UGT1A7: variants seen among roughly 807,000 people sequenced by gnomAD.
UGT1A7 encodes the protein UDP glucuronosyltransferase family 1 member A7.
A neutral mutation model predicts 45.6 loss-of-function variants in UGT1A7; 33 were observed. The observed-to-expected ratio is 0.72, with a 90% CI of 0.55 to 0.97. UGT1A7 has a LOEUF of 0.97. Among genes scored for constraint, UGT1A7 ranks in the 50% least tolerant of loss-of-function variants. The probability of loss-of-function intolerance (pLI) is 0.00; values close to 1 mark genes in which losing one functional copy is unlikely to be tolerated. For synonymous variants in UGT1A7, 274 were observed against 250.6 expected, an observed-to-expected ratio of 1.09 and a Z score of -0.88; for missense variants, 684 against 666.2, an observed-to-expected ratio of 1.03 and a Z score of -0.29.
At chr2:233,689,968 A>G (rs2074968458) in intron 1 of UGT1A7, 2 of 456,038 alleles carry the variant, frequency 4.4e-6, no homozygotes, top group South Asian at 1.6e-5. Context: ...GCTTGGAGGA[A>G]CCCACAGGCC....
rs1333399571 is a variant in UGT1A7 at position 233,769,871 on chromosome 2, A to AT, written c.1295+1432_1295+1433insT. 8.6e-6 allele frequency: 4 copies of AT among 463,518 alleles called. No individual in the cohort carries two copies. Among genetic ancestry groups the AT allele is most frequent in the Non-Finnish European group, 1.5e-5 (4 of 275,572 alleles). The allele number at this position is 463,518 out of a possible 1,614,324, so 28.7% of individuals were successfully genotyped here. A position where few individuals can be genotyped will look rare whatever the true frequency, so the allele number is the denominator to read the frequency against. Reference sequence around the variant, plus strand: ...AGACCCTGTCTCAAAAAAAAAAAAAAAAATGAAAAGTCCACATAACCTGAG... The same window carrying AT: ...AGACCCTGTCTCAAAAAAAAAAAAAATAAATGAAAAGTCCACATAACCTGAG... On this transcript the variant is annotated intron_variant, in intron 4 of 4. Transcript: ENST00000373426. The surrounding 1 kb of genome is among the most constrained non-coding windows in gnomAD (Gnocchi z 4.4).
intron 1 of UGT1A7, among the ~76,000 whole-genome samples, chr2:233,703,526 A>G (rs1380988248): frequency 1.3e-5 from 2 of 151,996 alleles, no homozygotes; most frequent in Non-Finnish European, 2.9e-5. Context: ...GACACTTATC[A>G]TTACACAATT....
In UGT1A7 at chr2:233,747,740, TC is replaced by T. The variant is rs1007845310; in HGVS notation, c.856-19292del. On this transcript the variant is annotated intron_variant, in intron 1 of 4. Coordinates refer to ENST00000373426, the MANE Select transcript of UGT1A7 (RefSeq NM_019077.3). The stretch of plus-strand genomic sequence containing the variant: ...CTGCTGTGTTTTTTTTGAGGAACAT[TC>T]CATGTGATTTAGACTTTAAGGGCAC... 68 of 1,613,430 alleles carry T rather than the reference TC, an allele frequency of 4.2e-5. No individual in the cohort carries two copies. In the Admixed American group the frequency reaches 1.1e-3, roughly 27 times the overall value.
intron 1 of UGT1A7, among the ~76,000 whole-genome samples, chr2:233,763,416 A>T (rs1484402572): frequency 6.6e-6 from 1 of 152,224 alleles, no homozygotes; most frequent in Non-Finnish European, 1.5e-5. Flanking sequence ...TTTTTAATCC[A>T]GTCAGGCAGT....
At chr2:233,725,206 A>AGGC (rs1165948613) in intron 1 of UGT1A7, among the ~76,000 whole-genome samples, 4 of 91,688 alleles carry the variant, frequency 4.4e-5, no homozygotes, top group Admixed American at 9.5e-5. Context: ...GCAGAGGCAG[A>AGGC]GGCAGAGGCA....
rs1191873899 is a variant in UGT1A7 at position 233,760,673 on chromosome 2, A to G, written c.856-6361A>G. The G allele has an allele frequency of 2.5e-6, 4 of 1,614,214 alleles. No homozygotes were observed. Among genetic ancestry groups the G allele is most frequent in the Non-Finnish European group, 3.4e-6 (4 of 1,180,038 alleles). Reference sequence around the variant, plus strand: ...GCTATGCTTTTGTCTGGCTGTTCCCACTTACTGCACAACAAGGAGCTCATG... The same window carrying G: ...GCTATGCTTTTGTCTGGCTGTTCCCGCTTACTGCACAACAAGGAGCTCATG... On this transcript the variant is annotated intron_variant, in intron 1 of 4. Coordinates refer to ENST00000373426, the MANE Select transcript of UGT1A7 (RefSeq NM_019077.3).
At chr2:233,734,118 T>A (rs2078484158) in intron 1 of UGT1A7, among the ~76,000 whole-genome samples, 1 of 152,034 alleles carries the variant, frequency 6.6e-6, no homozygotes, top group Non-Finnish European at 1.5e-5. Context: ...ATAATAATAA[T>A]AATAAAAAGA....
chr2:233,716,153 A>G (rs2076488369), intron 1 of UGT1A7, among the ~76,000 whole-genome samples: 1 of 152,066 alleles, frequency 6.6e-6, no homozygotes. Flanking sequence ...TTCCATTTCC[A>G]TGGAGATGCA....
At chr2:233,759,612 A>G (rs992811783) in intron 1 of UGT1A7, among the ~76,000 whole-genome samples, 1 of 32,716 alleles carries the variant, frequency 3.1e-5, no homozygotes, top group African/African-American at 8.8e-5. Flanking sequence ...CGCCCCACCC[A>G]CCCACCTGTT....
chr2:233,682,031 C>A lies in UGT1A7; in HGVS notation c.94C>A (p.Pro32Thr), dbSNP rs145424374. The A allele has an allele frequency of 6.2e-6, 10 of 1,613,956 alleles. No homozygotes were observed. The highest frequency in any genetic ancestry group is 2.7e-5 in the African/African-American group (2 of 74,898). The change falls in exon 1 of 5, where the codon CCC becomes ACC. Residue 32 changes from proline (P) to threonine (T), a missense_variant. Physicochemically the swap from Pro to Thr is conservative, Grantham distance 38 (BLOSUM62 -1). Transcript: ENST00000373426. ...FAKAGKLLVV[P>T]MDGSHWFTMQ... is the part of the protein sequence containing the mutation. Reference sequence around the variant, plus strand: ...CAAGGCAGGGAAGCTGCTGGTAGTGCCCATGGATGGGAGCCACTGGTTCAC... The same window carrying A: ...CAAGGCAGGGAAGCTGCTGGTAGTGACCATGGATGGGAGCCACTGGTTCAC...
rs2074588513 is a variant in UGT1A7, at chr2:233,682,647, C to A, written c.710C>A (p.Thr237Asn). ...VLEIASEILQ[T>N]PVTAYDLYSH... ...GAAATAGCCTCTGAAATTCTCCAAA[C>A]CCCTGTCACGGCATATGATCTCTAC... Residue 237 changes from threonine to asparagine, a missense_variant, in exon 1 of 5, where the codon ACC becomes AAC. Physicochemically the swap from Thr to Asn is moderately conservative, Grantham distance 65 (BLOSUM62 0). Coordinates refer to ENST00000373426, the MANE Select transcript of UGT1A7 (RefSeq NM_019077.3). 6.2e-7 allele frequency: 1 copy of A among 1,613,922 alleles called. No individual in the cohort carries two copies. The highest frequency in any genetic ancestry group is 1.1e-5 in the South Asian group (1 of 91,068).
chr2:233,747,841 G>C (rs1575686388), intron 1 of UGT1A7: 1 of 1,613,504 alleles, frequency 6.2e-7, no homozygotes, highest in East Asian at 2.2e-5. Flanking sequence ...TTCCTGCAAA[G>C]GGTCAAGAAC....
chr2:233,713,360 C>A lies in UGT1A7; in HGVS notation c.855+30568C>A, dbSNP rs377457908. The stretch of plus-strand genomic sequence containing the variant: ...CAATTATGAACAATATGTCTTTGAT[C>A]ATACATAGGTCTTGTGTGGAGCTAC... On this transcript the variant is annotated intron_variant, in intron 1 of 4. Coordinates refer to ENST00000373426, the MANE Select transcript of UGT1A7 (RefSeq NM_019077.3). 1.3e-5 allele frequency: 21 copies of A among 1,614,044 alleles called. No homozygotes were observed. The African/African-American group carries it at 2.1e-4, about 16-fold the overall frequency.
intron 1 of UGT1A7, chr2:233,713,817 A>G (rs776318563): frequency 1.2e-6 from 2 of 1,614,092 alleles, no homozygotes; most frequent in South Asian, 1.1e-5. Flanking sequence ...CATGGTCTTC[A>G]TTGGGGGCAT....
rs1450020479 is a variant in UGT1A7, at chr2:233,719,077, A to G, written c.855+36285A>G. ...ACAGCCTATGCTGTTCCATGGACCC[A>G]GAAGGAATTTGATCGCGTTACGCTG... On this transcript the variant is annotated intron_variant, in intron 1 of 4. Transcript: ENST00000373426. The G allele has an allele frequency of 3.3e-5, 54 of 1,614,166 alleles. No individual in the cohort carries two copies. The highest frequency in any genetic ancestry group is 4.4e-5 in the Non-Finnish European group (52 of 1,180,062).
chr2:233,722,763 C>A (rs370007116), intron 1 of UGT1A7, among the ~76,000 whole-genome samples: 2 of 151,548 alleles, frequency 1.3e-5, no homozygotes, highest in African/African-American at 4.9e-5. Context: ...AAGGCTGTTA[C>A]CTAATTCTGA....
chr2:233,693,783 T>C (rs1575450823), intron 1 of UGT1A7: 1 of 1,614,230 alleles, frequency 6.2e-7, no homozygotes, highest in Admixed American at 1.7e-5. Context: ...TATGACTTTG[T>C]GCTTGAATAT....
At chr2:233,695,130 C>CTTTCTCTTT (rs1364557158) in intron 1 of UGT1A7, among the ~76,000 whole-genome samples, 2 of 138,840 alleles carry the variant, frequency 1.4e-5, no homozygotes, top group African/African-American at 5.4e-5. Context: ...CTTTTCTTTT[C>CTTTCTCTTT]TTTTTTTTTT....
intron 1 of UGT1A7, among the ~76,000 whole-genome samples, chr2:233,683,942 T>C (rs2074656989): frequency 6.6e-6 from 1 of 152,210 alleles, no homozygotes; most frequent in Non-Finnish European, 1.5e-5. Context: ...ATATTGTTGG[T>C]CTAGCCAGCT....
Sources: gnomAD v4.1 joint callset for allele counts (sites outside exome capture counted in the v4.1 genomes callset) on GRCh38, gnomAD v4.1.1 for gene constraint, Gnocchi (gnomAD v3.1) non-coding constraint, MANE v1.5 for transcripts, NCBI Gene and HGNC (gene_info 2026-07-23, HGNC 2026-07-21) for gene names.